Variants in AP1G1 observed in about 807,000 individuals in gnomAD.
The protein encoded by AP1G1 is AP-1 complex subunit gamma-1.
AP1G1 carries 7 observed loss-of-function variants against 108.3 expected under a neutral mutation model. The ratio of observed to expected loss-of-function variants is 0.06; its 90% CI spans 0.04 to 0.12. The LOEUF (loss-of-function observed/expected upper bound fraction) is 0.12. AP1G1 is among the 10% of genes least tolerant of loss of function. The pLI is 1.00. For missense variants in AP1G1, 756 were observed against 1,010.7 expected (o/e 0.75, Z 3.42); for synonymous variants, 379 against 353.5 (o/e 1.07, Z -0.81).
intron 12 of AP1G1, 60 bp from the exon 13 acceptor site, chr16:71,753,947 T>G (rs2030637592): frequency 6.6e-7 from 1 of 1,510,530 alleles, no homozygotes; most frequent in African/African-American, 1.4e-5. Flanking sequence ...TTTCAGTGAC[T>G]AGAAAATCCT....
intron 1 of AP1G1, among the ~76,000 whole-genome samples, chr16:71,797,504 A>G (rs899604273): frequency 6.6e-6 from 1 of 152,120 alleles, no homozygotes; most frequent in Non-Finnish European, 1.5e-5. Context: ...GAAACATTAG[A>G]AAGTTACTTA....
chr16:71,759,022 A>G (rs548640992), intron 10 of AP1G1, 101 bp from the exon 11 acceptor site: 3 of 665,152 alleles, frequency 4.5e-6, no homozygotes, highest in Non-Finnish European at 7.7e-6. Context: ...TGGATAAGAG[A>G]AAGCATACAT....
intron 2 of AP1G1, among the ~76,000 whole-genome samples, chr16:71,779,688 C>T (rs556711960): frequency 4.6e-5 from 7 of 152,216 alleles, no homozygotes; most frequent in Admixed American, 2.0e-4. Context: ...AGCTATTTTA[C>T]GAAGAGAATT....
intron 2 of AP1G1, among the ~76,000 whole-genome samples, chr16:71,787,163 A>G (rs1420658139): frequency 1.3e-5 from 2 of 152,008 alleles, no homozygotes; most frequent in African/African-American, 4.8e-5. Flanking sequence ...TACTAAAAAT[A>G]CAAAAATTAG....
chr16:71,805,457 C>A (rs898968468), intron 1 of AP1G1, among the ~76,000 whole-genome samples: 2 of 151,740 alleles, frequency 1.3e-5, no homozygotes, highest in Admixed American at 1.3e-4. Context: ...TCTCAAAAAA[C>A]AAACAAAAAA....
At chr16:71,736,118 ATATATATATAT>A (rs1409256023) in intron 21 of AP1G1, among the ~76,000 whole-genome samples, 5 of 57,116 alleles carry the variant, frequency 8.8e-5, no homozygotes, top group South Asian at 1.0e-3. Flanking sequence ...AAAAAAAAAA[ATATATATATAT>A]ATATATATAT....
chr16:71,790,935 C>CACCAG (rs765676259), intron 1 of AP1G1, among the ~76,000 whole-genome samples: 35 of 152,096 alleles, frequency 2.3e-4, no homozygotes, highest in Middle Eastern at 6.8e-3. Flanking sequence ...AAATAGGACA[C>CACCAG]ACCAGCTGGG....
Position 71,738,637 on chromosome 16 carries a change from A to G in AP1G1, c.2268+305T>C, listed in dbSNP as rs73582219. ...TTAGGTCTTTAACACTGTATTACTA[A>G]AGCCTAACCTATCCTCAATGCCCTG... On this transcript the variant is annotated intron_variant, in intron 21 of 22. Coordinates refer to ENST00000299980, the MANE Select transcript of AP1G1 (RefSeq NM_001128.6). Among the ~76,000 whole-genome samples the G allele has an allele frequency of 2.5e-3, 375 of 152,268 alleles. 2 individuals are homozygous for G. Among genetic ancestry groups the G allele is most frequent in the African/African-American group, 8.1e-3 (336 of 41,560 alleles).
intron 2 of AP1G1, among the ~76,000 whole-genome samples, chr16:71,779,508 T>C (rs2031922488): frequency 2.6e-5 from 4 of 151,958 alleles, no homozygotes; most frequent in Admixed American, 2.0e-4. Context: ...CCCCAGCTAA[T>C]TTTTGTGTTT....
chr16:71,729,402 C>A lies in AP1G1; in HGVS notation c.*3656G>T, dbSNP rs1451482614. On this transcript the variant is annotated 3_prime_UTR_variant, in exon 23 of 23. Coordinates refer to ENST00000299980, the MANE Select transcript of AP1G1 (RefSeq NM_001128.6). The stretch of plus-strand genomic sequence containing the variant: ...AAATGGAAAACAAAAACAAAACACA[C>A]AAAGCGCAACCGCAGGTTCTTTGAG... The A allele has an allele frequency of 1.6e-5, 2 of 125,732 alleles. No homozygotes were observed. Among genetic ancestry groups the A allele is most frequent in the Admixed American group, 8.5e-5 (1 of 11,718 alleles). The allele number at this position is 125,732 out of a possible 1,614,324, so 7.8% of individuals were successfully genotyped here. A position where few individuals can be genotyped will look rare whatever the true frequency, so the allele number is the denominator to read the frequency against.
intron 2 of AP1G1, among the ~76,000 whole-genome samples, chr16:71,787,268 G>A (rs1597080017): frequency 6.7e-6 from 1 of 149,104 alleles, no homozygotes. Flanking sequence ...GAAGTGAGCC[G>A]AGATCACGCC....
chr16:71,768,215 AG>A (rs1292514784), intron 6 of AP1G1, among the ~76,000 whole-genome samples: 5 of 112,026 alleles, frequency 4.5e-5, no homozygotes, highest in African/African-American at 1.7e-4. Context: ...AAAAAAAAAA[AG>A]GCCGGGCGCG....
chr16:71,808,413 G>T, intron 1 of AP1G1: 1 of 1,107,532 alleles, frequency 9.0e-7, no homozygotes, highest in South Asian at 1.6e-5. Flanking sequence ...AGACACGCGG[G>T]GGTGGGGCCC....
Position 71,771,268 on chromosome 16 carries a change from T to C in AP1G1, c.469-16A>G. 1 of 1,370,904 alleles carries C rather than the reference T, an allele frequency of 7.3e-7. No homozygotes were observed. The highest frequency in any genetic ancestry group is 9.8e-7 in the Non-Finnish European group (1 of 1,015,832). 84.9% of individuals were successfully genotyped at this position (1,370,904 alleles called of 1,614,324 possible). On this transcript the variant is annotated splice_polypyrimidine_tract_variant and intron_variant, in intron 4 of 22. Transcript: ENST00000299980. ...ACAGTGCTGCCTATGAAAAAAAAAA[T>C]AAAAGAACAAAAGGTTTATTTCAAT...
intron 2 of AP1G1, among the ~76,000 whole-genome samples, chr16:71,785,609 GAA>G (rs2032173822): frequency 4.7e-5 from 7 of 148,726 alleles, no homozygotes; most frequent in Admixed American, 4.0e-4. Context: ...AGTGGGCTGG[GAA>G]TGGTGGCTCA....
intron 6 of AP1G1, chr16:71,766,566 T>C (rs1356192465): frequency 1.4e-5 from 5 of 355,480 alleles, no homozygotes; most frequent in Non-Finnish European, 2.9e-5. Flanking sequence ...AAAATTAAGT[T>C]AAATAGTGTG....
At chr16:71,739,871 C>A (rs920504275) in intron 19 of AP1G1, among the ~76,000 whole-genome samples, 2 of 151,260 alleles carry the variant, frequency 1.3e-5, no homozygotes, top group East Asian at 3.9e-4. Context: ...AAACAGATAA[C>A]CCAATTTAAA....
rs549257716 is a variant in AP1G1 at position 71,763,836 on chromosome 16, G to A, written c.918+514C>T. On this transcript the variant is annotated intron_variant, in intron 9 of 22. Transcript: ENST00000299980. Reference sequence around the variant, plus strand: ...ATGAACAAATTCATGAAGGAGAAGGGATAACTCCTCTTTATAGAAGAATTC... The same window carrying A: ...ATGAACAAATTCATGAAGGAGAAGGAATAACTCCTCTTTATAGAAGAATTC... Among the ~76,000 whole-genome samples the A allele has an allele frequency of 1.2e-3, 183 of 152,170 alleles. 1 individual carries two copies. Among genetic ancestry groups the A allele is most frequent in the Middle Eastern group, 3.4e-3 (1 of 294 alleles).
chr16:71,764,570 G>A (rs1363589948), intron 8 of AP1G1, 76 bp downstream of exon 8: 1 of 1,298,436 alleles, frequency 7.7e-7, no homozygotes, highest in Non-Finnish European at 1.1e-6. Context: ...AATAAAAACT[G>A]CTCCATATAA....
Sources: allele counts gnomAD v4.1 joint callset (sites outside exome capture counted in the v4.1 genomes callset), GRCh38; gene constraint gnomAD v4.1.1; transcripts MANE v1.5; gene names NCBI Gene and HGNC (gene_info 2026-07-23, HGNC 2026-07-21).